The following UBE2R2 variants were observed in gnomAD, a reference collection of about 807,000 sequenced individuals.
The protein encoded by UBE2R2 is ubiquitin-conjugating enzyme E2 R2.
A neutral mutation model predicts 27.8 loss-of-function variants in UBE2R2; 1 was observed. The ratio of observed to expected loss-of-function variants is 0.04; its 90% CI spans 0.01 to 0.17. The LOEUF is 0.17. UBE2R2 is among the 10% of genes least tolerant of loss of function. The pLI, the probability that UBE2R2 is intolerant of heterozygous loss-of-function variation, is 1.00. For synonymous variants in UBE2R2, 106 were observed against 113.3 expected (o/e 0.94, Z 0.41); for missense variants, 100 against 291.0 (o/e 0.34, Z 4.78).
intron 3 of UBE2R2, among the ~76,000 whole-genome samples, chr9:33,909,442 C>G (rs1342607679): frequency 6.6e-6 from 1 of 152,138 alleles, no homozygotes; most frequent in Non-Finnish European, 1.5e-5. Context: ...GAGCCAAGAT[C>G]ACACCATTGC....
At chr9:33,859,799 TGA>T (rs376101396) in intron 1 of UBE2R2, among the ~76,000 whole-genome samples, 9,690 of 86,078 alleles carry the variant, frequency 0.11, 471 homozygotes, top group Middle Eastern at 0.16. Context: ...TGTGTGTGTG[TGA>T]GAGAGAGAGA....
At chr9:33,908,225 G>C (rs1346334440) in intron 3 of UBE2R2, among the ~76,000 whole-genome samples, 1 of 152,202 alleles carries the variant, frequency 6.6e-6, no homozygotes, top group Non-Finnish European at 1.5e-5. Context: ...TGCCTGAGGA[G>C]ACCAATGCTG....
upstream of UBE2R2, among the ~76,000 whole-genome samples, chr9:33,815,519 C>T (rs1422641225): frequency 4.6e-5 from 7 of 152,082 alleles, no homozygotes; most frequent in African/African-American, 1.2e-4. Context: ...CTGAGGTGGA[C>T]GGATCACCTG....
At chr9:33,825,651 A>G (rs1256805907) in intron 1 of UBE2R2, among the ~76,000 whole-genome samples, 4 of 152,166 alleles carry the variant, frequency 2.6e-5, no homozygotes, top group African/African-American at 9.7e-5. Context: ...CACGTGAGAG[A>G]AAGGAGACCA....
chr9:33,915,986 G>A (rs1336695399), intron 4 of UBE2R2, among the ~76,000 whole-genome samples: 2 of 152,124 alleles, frequency 1.3e-5, no homozygotes, highest in African/African-American at 4.8e-5. Flanking sequence ...AATCAACAAG[G>A]TGTGTCCGAG....
At chr9:33,816,100 A>T (rs1180638460), upstream of UBE2R2, among the ~76,000 whole-genome samples, 1 of 152,270 alleles carries the variant, frequency 6.6e-6, no homozygotes, top group East Asian at 1.9e-4. Flanking sequence ...AAAAACAAAA[A>T]ACTGATGATA....
At chr9:33,866,576 A>G (rs1250040693) in intron 1 of UBE2R2, among the ~76,000 whole-genome samples, 1 of 152,146 alleles carries the variant, frequency 6.6e-6, no homozygotes, top group Non-Finnish European at 1.5e-5. Flanking sequence ...GAAGGTAGAA[A>G]GTTGTATGTG....
At chr9:33,863,775 CCT>C (rs1328133158) in intron 1 of UBE2R2, among the ~76,000 whole-genome samples, 1 of 151,964 alleles carries the variant, frequency 6.6e-6, no homozygotes, top group Non-Finnish European at 1.5e-5. Context: ...GCATCCTCCG[CCT>C]CTCGGATTCA....
chr9:33,886,484 G>A (rs551070028), intron 1 of UBE2R2, among the ~76,000 whole-genome samples: 12 of 151,916 alleles, frequency 7.9e-5, no homozygotes, highest in African/African-American at 2.4e-4. Context: ...GTGAAACCCC[G>A]TCTCTACTAA....
intron 1 of UBE2R2, among the ~76,000 whole-genome samples, chr9:33,835,145 G>GTT (rs3060448): frequency 0.21 from 23,182 of 112,036 alleles, 3,261 homozygotes; most frequent in South Asian, 0.36. Flanking sequence ...CTAAGTGTAG[G>GTT]TTTTTTTTTT....
chr9:33,863,692 G>T (rs1384159721), intron 1 of UBE2R2, among the ~76,000 whole-genome samples: 1 of 152,036 alleles, frequency 6.6e-6, no homozygotes, highest in Non-Finnish European at 1.5e-5. Context: ...ATTGGGTTTT[G>T]TTTGTTTTTT....
chr9:33,855,433 C>T (rs1054627483), intron 1 of UBE2R2, among the ~76,000 whole-genome samples: 2 of 152,094 alleles, frequency 1.3e-5, no homozygotes, highest in African/African-American at 2.4e-5. Flanking sequence ...TGTATGTACT[C>T]TTTGAGTGAT....
chr9:33,818,084 A>G, intron 1 of UBE2R2, 150 bp downstream of exon 1: 2 of 758,410 alleles, frequency 2.6e-6, no homozygotes, highest in Non-Finnish European at 3.6e-6. Flanking sequence ...CCCTGGAGGC[A>G]GGAAGGCCTT....
chr9:33,864,360 TAACA>T (rs999444113), intron 1 of UBE2R2, among the ~76,000 whole-genome samples: 1 of 152,100 alleles, frequency 6.6e-6, no homozygotes, highest in Admixed American at 6.6e-5. Context: ...AGATTAGCCA[TAACA>T]AACCATTCAT....
At chr9:33,848,880 A>T (rs571850206) in intron 1 of UBE2R2, among the ~76,000 whole-genome samples, 1 of 152,032 alleles carries the variant, frequency 6.6e-6, no homozygotes. Flanking sequence ...CTGGGATTAC[A>T]TGCATGAGCT....
At chr9:33,864,230 A>G (rs1305190695) in intron 1 of UBE2R2, among the ~76,000 whole-genome samples, 1 of 152,210 alleles carries the variant, frequency 6.6e-6, no homozygotes, top group African/African-American at 2.4e-5. Flanking sequence ...AAAACTTCTT[A>G]GCACTAGAAT....
At chr9:33,838,751 A>G (rs1477376944) in intron 1 of UBE2R2, among the ~76,000 whole-genome samples, 7 of 152,094 alleles carry the variant, frequency 4.6e-5, no homozygotes, top group Non-Finnish European at 8.8e-5. Flanking sequence ...ATATTTTCTT[A>G]TAAACCTCTA....
intron 1 of UBE2R2, among the ~76,000 whole-genome samples, chr9:33,862,957 G>C (rs1215666767): frequency 6.6e-6 from 1 of 152,038 alleles, no homozygotes; most frequent in African/African-American, 2.4e-5. Flanking sequence ...GGGAGGCCTA[G>C]GTGGGCAGAT....
chr9:33,822,552 G>C (rs990308282), intron 1 of UBE2R2, among the ~76,000 whole-genome samples: 1 of 151,026 alleles, frequency 6.6e-6, no homozygotes, highest in Admixed American at 6.6e-5. Context: ...TCACCCTCCT[G>C]AGTAGCTGGG....
Sources: allele counts gnomAD v4.1 joint callset (sites outside exome capture counted in the v4.1 genomes callset), GRCh38; gene constraint gnomAD v4.1.1; transcripts MANE v1.5; gene names NCBI Gene and HGNC (gene_info 2026-07-23, HGNC 2026-07-21).